Variants in LNX1 observed in about 807,000 individuals in gnomAD.
LNX1 encodes the protein ligand of numb-protein X 1.
LNX1 carries 54 observed loss-of-function variants against 68.4 expected under a neutral mutation model. The ratio of observed to expected loss-of-function variants is 0.79; its 90% CI spans 0.63 to 0.99. The LOEUF is 0.99. Among genes scored for constraint, LNX1 ranks in the 50% least tolerant of loss-of-function variants. The pLI, the probability that LNX1 is intolerant of heterozygous loss-of-function variation, is 0.00. For synonymous variants in LNX1, 336 were observed against 350.0 expected, an observed-to-expected ratio of 0.96 and a Z score of 0.45; for missense variants, 906 against 926.4, an observed-to-expected ratio of 0.98 and a Z score of 0.29.
intron 2 of LNX1, among the ~76,000 whole-genome samples, chr4:53,532,026 G>C (rs1364947876): frequency 1.3e-5 from 2 of 152,178 alleles, no homozygotes; most frequent in African/African-American, 4.8e-5. Flanking sequence ...AAATATACAA[G>C]ACAAAAGCTG....
chr4:53,507,619 G>A, intron 3 of LNX1, 150 bp from the exon 4 acceptor site: 3 of 906,958 alleles, frequency 3.3e-6, no homozygotes, highest in Non-Finnish European at 5.0e-6. Context: ...TATTTTTTAA[G>A]TTTTCTACAG....
At chr4:53,573,503 G>GT (rs1192521983) in intron 2 of LNX1, 120 bp downstream of exon 2, 10 of 666,714 alleles carry the variant, frequency 1.5e-5, no homozygotes, top group East Asian at 2.7e-5. Context: ...ACACCTAGCT[G>GT]TTTTTTTATT....
At chr4:53,503,726 C>CG (rs1158438197) in intron 4 of LNX1, among the ~76,000 whole-genome samples, 1 of 152,168 alleles carries the variant, frequency 6.6e-6, no homozygotes, top group African/African-American at 2.4e-5. Flanking sequence ...GTATTAGCCC[C>CG]GAACAAGAGA....
chr4:53,470,491 G>C (rs991831672), intron 9 of LNX1, among the ~76,000 whole-genome samples: 16 of 152,268 alleles, frequency 1.1e-4, no homozygotes, highest in African/African-American at 3.9e-4. Context: ...TCTGGCCAGG[G>C]CAATCAGGAA....
At chr4:53,470,222 C>G (rs1298680796) in intron 9 of LNX1, among the ~76,000 whole-genome samples, 6 of 152,220 alleles carry the variant, frequency 3.9e-5, no homozygotes, top group African/African-American at 7.2e-5. Context: ...AGCATATAAA[C>G]AAAACCAAAG....
At chr4:53,570,587 C>G (rs1294044771) in intron 2 of LNX1, among the ~76,000 whole-genome samples, 1 of 151,218 alleles carries the variant, frequency 6.6e-6, no homozygotes, top group Non-Finnish European at 1.5e-5. Flanking sequence ...GTGGGTGCAG[C>G]ACACCAGCAT....
At chr4:53,548,643 C>G (rs1729276856) in intron 2 of LNX1, among the ~76,000 whole-genome samples, 1 of 152,148 alleles carries the variant, frequency 6.6e-6, no homozygotes, top group South Asian at 2.1e-4. Flanking sequence ...AAAAGAAGAA[C>G]TACCATCCCA....
intron 8 of LNX1, 51 bp from the exon 9 acceptor site, chr4:53,477,032 C>G: frequency 6.7e-7 from 1 of 1,489,930 alleles, no homozygotes; most frequent in Non-Finnish European, 9.3e-7. Flanking sequence ...CAAACAGGGA[C>G]TTCTGCTTAA....
intron 2 of LNX1, among the ~76,000 whole-genome samples, chr4:53,613,175 G>A (rs1385937840): frequency 1.3e-5 from 2 of 150,992 alleles, no homozygotes; most frequent in East Asian, 3.9e-4. Context: ...AGCCAAAAAA[G>A]GAAAAGGAAT....
At chr4:53,462,978 A>G (rs2271560) in intron 9 of LNX1, among the ~76,000 whole-genome samples, 17,907 of 152,164 alleles carry the variant, frequency 0.12, 1,145 homozygotes, top group East Asian at 0.16. Context: ...GTAAATACCA[A>G]AGCATTACAT....
intron 2 of LNX1, among the ~76,000 whole-genome samples, chr4:53,572,785 G>A (rs765228498): frequency 6.6e-6 from 1 of 152,166 alleles, no homozygotes; most frequent in Admixed American, 6.5e-5. Flanking sequence ...CCACCAGTGT[G>A]GGTGTGTGTG....
chr4:53,569,562 A>G (rs1342163921), intron 2 of LNX1, among the ~76,000 whole-genome samples: 6 of 145,600 alleles, frequency 4.1e-5, no homozygotes, highest in African/African-American at 1.5e-4. Flanking sequence ...TAAAAACCCT[A>G]GAAGAAAACC....
intron 2 of LNX1, among the ~76,000 whole-genome samples, chr4:53,527,064 A>AC (rs1300922366): frequency 1.3e-5 from 2 of 151,340 alleles, no homozygotes; most frequent in Non-Finnish European, 2.9e-5. Context: ...AAAAAAAAAA[A>AC]AAAAAAAACT....
intron 2 of LNX1, among the ~76,000 whole-genome samples, chr4:53,552,196 C>T (rs1729560986): frequency 6.6e-6 from 1 of 152,162 alleles, no homozygotes; most frequent in Admixed American, 6.5e-5. Context: ...TGTCGTCCTC[C>T]AGTGACCCCG....
At chr4:53,582,904 C>T (rs552235356) in intron 1 of LNX1, among the ~76,000 whole-genome samples, 3 of 152,034 alleles carry the variant, frequency 2.0e-5, no homozygotes, top group Non-Finnish European at 4.4e-5. Context: ...CAGACCAGCG[C>T]CTGCCACTTC....
chr4:53,599,658 T>A (rs1052636607), intron 2 of LNX1, among the ~76,000 whole-genome samples: 1 of 152,180 alleles, frequency 6.6e-6, no homozygotes, highest in Admixed American at 6.5e-5. Context: ...ACAGTGCCAG[T>A]TGACTATAGA....
intron 2 of LNX1, among the ~76,000 whole-genome samples, chr4:53,517,846 G>A (rs1482274696): frequency 1.3e-5 from 2 of 152,162 alleles, no homozygotes; most frequent in Non-Finnish European, 2.9e-5. Flanking sequence ...AGTAAAAGAG[G>A]TCATCAGCTG....
chr4:53,605,789 C>T (rs918229693), intron 2 of LNX1, among the ~76,000 whole-genome samples: 3 of 152,118 alleles, frequency 2.0e-5, no homozygotes, highest in Admixed American at 6.6e-5. Context: ...TTCCATTGTA[C>T]ATATGAACTA....
intron 1 of LNX1, among the ~76,000 whole-genome samples, chr4:53,649,934 A>C (rs1432871905): frequency 6.6e-6 from 1 of 152,220 alleles, no homozygotes; most frequent in Non-Finnish European, 1.5e-5. Flanking sequence ...GTTGTTGAGT[A>C]AATGAATAAT....
Sources: allele counts gnomAD v4.1 joint callset (sites outside exome capture counted in the v4.1 genomes callset), GRCh38; gene constraint gnomAD v4.1.1; transcripts MANE v1.5; gene names NCBI Gene and HGNC (gene_info 2026-07-23, HGNC 2026-07-21).